Variants in NRXN1 observed in about 807,000 individuals in gnomAD.
The protein encoded by NRXN1 is neurexin 1.
In NRXN1, 39 loss-of-function variants were observed where a neutral mutation model predicts 150.9. That is an observed-to-expected ratio of 0.26 (90% CI 0.20 to 0.34). The LOEUF is 0.34. NRXN1 is among the 10% of genes least tolerant of loss of function. The pLI, the probability that NRXN1 is intolerant of heterozygous loss-of-function variation, is 1.00. For missense variants in NRXN1, 1,815 were observed against 1,949.9 expected, an observed-to-expected ratio of 0.93 and a Z score of 1.30; for synonymous variants, 924 against 757.0, an observed-to-expected ratio of 1.22 and a Z score of -3.62.
At chr2:50,670,534 C>G (rs1688694599) in intron 5 of NRXN1, among the ~76,000 whole-genome samples, 1 of 151,876 alleles carries the variant, frequency 6.6e-6, no homozygotes, top group African/African-American at 2.4e-5. Context: ...TGTTACATTA[C>G]CATAGGATAG....
chr2:50,571,245 T>C (rs1670618652), intron 8 of NRXN1, among the ~76,000 whole-genome samples: 1 of 152,176 alleles, frequency 6.6e-6, no homozygotes, highest in Admixed American at 6.6e-5. Context: ...CCCTAATAGC[T>C]GATTGCTTCA....
At chr2:50,027,048 A>AT (rs1251892256) in intron 21 of NRXN1, among the ~76,000 whole-genome samples, 9 of 150,414 alleles carry the variant, frequency 6.0e-5, no homozygotes, top group East Asian at 2.0e-4. Context: ...CACCCAGCTA[A>AT]TTTTTTTGCA....
rs1440687325 is a variant in NRXN1, at chr2:49,921,968, GTTTTTCTTA to G, written c.4491_4499del (p.Lys1499_Lys1501del). On this transcript the variant is annotated inframe_deletion, in exon 23 of 23. Coordinates refer to ENST00000401669, the MANE Select transcript of NRXN1 (RefSeq NM_001330078.2). ...ATCAGACATAATACTCTTTATCCTT[GTTTTTCTTA>G]TTTTTGTTGGAGCTTTTCGCACTGC... is the stretch of plus-strand genomic sequence containing the variant. The G allele has an allele frequency of 6.2e-7, 1 of 1,613,896 alleles. No homozygotes were observed. Among genetic ancestry groups the G allele is most frequent in the Non-Finnish European group, 8.5e-7 (1 of 1,179,986 alleles).
At chr2:50,202,679 A>C (rs2062264387) in intron 18 of NRXN1, among the ~76,000 whole-genome samples, 1 of 152,182 alleles carries the variant, frequency 6.6e-6, no homozygotes, top group Non-Finnish European at 1.5e-5. Flanking sequence ...GTCTAGGCTA[A>C]ATAAACATAT....
intron 5 of NRXN1, among the ~76,000 whole-genome samples, chr2:50,679,961 C>T (rs1474498588): frequency 1.3e-5 from 2 of 151,576 alleles, no homozygotes; most frequent in African/African-American, 2.4e-5. Context: ...GGCAAAACCT[C>T]GTCTCTACAA....
chr2:50,305,130 T>A (rs1317525245), intron 17 of NRXN1, among the ~76,000 whole-genome samples: 1 of 152,070 alleles, frequency 6.6e-6, no homozygotes, highest in Non-Finnish European at 1.5e-5. Flanking sequence ...ACTAGTTTAT[T>A]AACTTGGTAA....
chr2:50,526,443 A>G (rs1294385564), intron 12 of NRXN1, among the ~76,000 whole-genome samples: 1 of 152,200 alleles, frequency 6.6e-6, no homozygotes, highest in African/African-American at 2.4e-5. Flanking sequence ...CTCACAGAGG[A>G]CACATGTAAT....
intron 18 of NRXN1, among the ~76,000 whole-genome samples, chr2:50,183,171 G>T (rs1194777710): frequency 6.6e-6 from 1 of 151,994 alleles, no homozygotes; most frequent in Non-Finnish European, 1.5e-5. Flanking sequence ...GGAAAAGACA[G>T]GAAATAAAGC....
intron 17 of NRXN1, among the ~76,000 whole-genome samples, chr2:50,395,151 A>G (rs2081977472): frequency 2.6e-5 from 4 of 151,900 alleles, no homozygotes; most frequent in Admixed American, 2.6e-4. Flanking sequence ...TCCAATAGAA[A>G]TTATGTTCTA....
intron 17 of NRXN1, among the ~76,000 whole-genome samples, chr2:50,374,225 A>C (rs1052606167): frequency 1.3e-5 from 2 of 151,554 alleles, no homozygotes; most frequent in Non-Finnish European, 2.9e-5. Flanking sequence ...TTGAGTCCAG[A>C]AGTTCAAGGC....
At chr2:50,048,467 G>A (rs1292729981) in intron 21 of NRXN1, among the ~76,000 whole-genome samples, 1 of 151,966 alleles carries the variant, frequency 6.6e-6, no homozygotes, top group African/African-American at 2.4e-5. Flanking sequence ...ATAAAATTTT[G>A]TTCTTTGAAG....
At chr2:50,267,318 G>T (rs1440300042) in intron 17 of NRXN1, among the ~76,000 whole-genome samples, 1 of 152,092 alleles carries the variant, frequency 6.6e-6, no homozygotes, top group African/African-American at 2.4e-5. Context: ...TTTTTTCTCA[G>T]AAATACTATG....
chr2:50,186,660 G>A (rs748940947), intron 18 of NRXN1, among the ~76,000 whole-genome samples: 2 of 151,930 alleles, frequency 1.3e-5, no homozygotes, highest in Admixed American at 6.6e-5. Flanking sequence ...AATTTCCTTT[G>A]CTGTGCATCA....
chr2:50,300,036 A>G (rs1474269718), intron 17 of NRXN1, among the ~76,000 whole-genome samples: 3 of 152,184 alleles, frequency 2.0e-5, no homozygotes, highest in Admixed American at 6.5e-5. Context: ...AATATGAAAT[A>G]GAAGGTAGAG....
At chr2:50,437,461 T>C (rs1276308038) in intron 17 of NRXN1, among the ~76,000 whole-genome samples, 5 of 152,238 alleles carry the variant, frequency 3.3e-5, no homozygotes, top group African/African-American at 7.2e-5. Context: ...TAAAGCCGTA[T>C]CTGTTTTTGT....
intron 17 of NRXN1, among the ~76,000 whole-genome samples, chr2:50,242,917 A>T (rs549924970): frequency 1.3e-5 from 2 of 151,760 alleles, no homozygotes; most frequent in East Asian, 3.9e-4. Context: ...TGTCACAGAA[A>T]TGGTTTAGGC....
intron 21 of NRXN1, among the ~76,000 whole-genome samples, chr2:49,997,849 G>A (rs1023626303): frequency 1.3e-5 from 2 of 152,096 alleles, no homozygotes; most frequent in African/African-American, 4.8e-5. Context: ...AAGCTGGGCC[G>A]CCGGGGTGCA....
chr2:50,988,331 A>T (rs559279784), intron 2 of NRXN1, among the ~76,000 whole-genome samples: 43 of 152,132 alleles, frequency 2.8e-4, no homozygotes, highest in African/African-American at 9.4e-4. Flanking sequence ...CTTTAGATGC[A>T]AACCATTTAC....
intron 5 of NRXN1, among the ~76,000 whole-genome samples, chr2:50,650,785 CT>C (rs1366922294): frequency 6.6e-6 from 1 of 152,016 alleles, no homozygotes; most frequent in Non-Finnish European, 1.5e-5. Context: ...TCCCTGTGTT[CT>C]TAACTGTTGA....
Sources: allele counts gnomAD v4.1 joint callset (sites outside exome capture counted in the v4.1 genomes callset), GRCh38; gene constraint gnomAD v4.1.1; transcripts MANE v1.5; gene names NCBI Gene and HGNC (gene_info 2026-07-23, HGNC 2026-07-21).